Variants in TRPM6 observed in about 807,000 individuals in gnomAD.
TRPM6 encodes channel kinase 2.
In TRPM6, 111 loss-of-function variants were observed where a neutral mutation model predicts 247.6. The ratio of observed to expected loss-of-function variants is 0.45; its 90% CI spans 0.38 to 0.52. The LOEUF (loss-of-function observed/expected upper bound fraction) is 0.52, where lower values mean the gene tolerates loss of function less well. TRPM6 is among the 20% of genes least tolerant of loss of function. The pLI is 0.00. For missense variants in TRPM6, 2,126 were observed against 2,421.5 expected, an observed-to-expected ratio of 0.88 and a Z score of 2.56; for synonymous variants, 892 against 853.8, an observed-to-expected ratio of 1.04 and a Z score of -0.78.
intron 7 of TRPM6, 144 bp from the exon 8 acceptor site, chr9:74,821,981 G>T: frequency 1.0e-6 from 1 of 994,904 alleles, no homozygotes; most frequent in Non-Finnish European, 1.5e-6. Flanking sequence ...ACCCTGGTTT[G>T]CTTAGATCAA....
rs150026556 is a variant in TRPM6, at chr9:74,759,143, C to T, written c.4785+2553G>A. On this transcript the variant is annotated intron_variant, in intron 27 of 38. Transcript: ENST00000360774. ...CCTAAATGGAGAAATACATCATGTTCGTGAATCAGAAGACTCATTATTGTT... is the reference window on the plus strand; with the variant it reads ...CCTAAATGGAGAAATACATCATGTTTGTGAATCAGAAGACTCATTATTGTT... Among the ~76,000 whole-genome samples the T allele has an allele frequency of 7.7e-3, 1,174 of 152,110 alleles. 10 individuals are homozygous for T. Among genetic ancestry groups the T allele is most frequent in the African/African-American group, 0.027 (1,124 of 41,538 alleles).
rs1830518818 is a variant in TRPM6, at chr9:74,856,306, G to C, written c.114-741C>G. Among the ~76,000 whole-genome samples the C allele has an allele frequency of 2.0e-5, 3 of 152,110 alleles. No individual in the cohort carries two copies. In the South Asian group the frequency reaches 6.2e-4, roughly 32 times the overall value. On this transcript the variant is annotated intron_variant, in intron 2 of 38. Coordinates refer to ENST00000360774, the MANE Select transcript of TRPM6 (RefSeq NM_017662.5). ...ATTCAAAAAATTAGCCCTGTGTGCT[G>C]ATATGTGCCTGTGGTCCCAGCTACT...
At chr9:74,886,010 G>T (rs1831517860) in intron 1 of TRPM6, among the ~76,000 whole-genome samples, 1 of 152,204 alleles carries the variant, frequency 6.6e-6, no homozygotes, top group Non-Finnish European at 1.5e-5. Context: ...TTTTGGCATA[G>T]ATGTCCTATC....
At chr9:74,844,054 C>T (rs796232537) in intron 3 of TRPM6, among the ~76,000 whole-genome samples, 26 of 152,210 alleles carry the variant, frequency 1.7e-4, no homozygotes, top group African/African-American at 6.3e-4. Flanking sequence ...GTAAACCATA[C>T]TAAAGACAAA....
At chr9:74,765,528 C>T (rs1826799390) in intron 25 of TRPM6, among the ~76,000 whole-genome samples, 1 of 152,068 alleles carries the variant, frequency 6.6e-6, no homozygotes, top group African/African-American at 2.4e-5. Flanking sequence ...GTTTCAGTTT[C>T]TCAATAATGA....
intron 25 of TRPM6, 121 bp downstream of exon 25, chr9:74,771,582 G>A: frequency 1.1e-6 from 1 of 923,072 alleles, no homozygotes. Flanking sequence ...GTTGTTAAAT[G>A]TTTCAAATTA....
chr9:74,812,844 T>TGGA (rs139816567), intron 11 of TRPM6, among the ~76,000 whole-genome samples: 4,206 of 152,254 alleles, frequency 0.028, 183 homozygotes, highest in African/African-American at 0.093. Context: ...AAGCCATGAA[T>TGGA]GCATCACTAC....
intron 36 of TRPM6, among the ~76,000 whole-genome samples, chr9:74,732,952 G>C (rs935448474): frequency 6.6e-6 from 1 of 152,118 alleles, no homozygotes; most frequent in African/African-American, 2.4e-5. Flanking sequence ...CCAGCTCTTT[G>C]GGGGGTGGAG....
chr9:74,816,619 C>A (rs527338056), intron 11 of TRPM6, 50 bp downstream of exon 11: 1 of 1,484,124 alleles, frequency 6.7e-7, no homozygotes, highest in South Asian at 1.1e-5. Flanking sequence ...CCCTTCCTAA[C>A]AGACCATCAC....
rs950380175 is a variant in TRPM6 at position 74,762,572 on chromosome 9, G to T, written c.4099C>A (p.Pro1367Thr). The T allele has an allele frequency of 6.2e-7, 1 of 1,614,176 alleles. No individual in the cohort carries two copies. Among genetic ancestry groups the T allele is most frequent in the Admixed American group, 1.7e-5 (1 of 60,022 alleles). Residue 1367 changes from proline to threonine, a missense_variant, in exon 26 of 39, where the codon CCC becomes ACC. Transcript: ENST00000360774. ...GTTGCCAGCACATCTGGCACAGAGG[G>T]TCTGGACAGAGGCAAGACAGTTTCT... ...SAETVLPLSR[P>T]SVPDVLATEQ...
At chr9:74,882,813 G>A (rs189396669) in intron 1 of TRPM6, among the ~76,000 whole-genome samples, 72 of 152,242 alleles carry the variant, frequency 4.7e-4, no homozygotes, top group Non-Finnish European at 8.1e-4. Flanking sequence ...ATAAGACAAA[G>A]CCCACTACAA....
At chr9:74,827,175 T>G (rs1047996709) in intron 7 of TRPM6, 1 of 153,450 alleles carries the variant, frequency 6.5e-6, no homozygotes, top group African/African-American at 2.4e-5. Context: ...GCCTCCTTAA[T>G]GCTCTTCAGC....
chr9:74,829,793 C>T (rs1357268109), intron 6 of TRPM6, among the ~76,000 whole-genome samples: 1 of 151,850 alleles, frequency 6.6e-6, no homozygotes, highest in Non-Finnish European at 1.5e-5. Flanking sequence ...ATGCAGCATA[C>T]TTGACAAACA....
intron 25 of TRPM6, among the ~76,000 whole-genome samples, chr9:74,766,988 C>T (rs781326826): frequency 2.6e-5 from 4 of 152,142 alleles, no homozygotes; most frequent in African/African-American, 7.2e-5. Context: ...CTAGACAGGC[C>T]GACTCCATAT....
chr9:74,742,719 T>C, intron 32 of TRPM6, 93 bp from the exon 33 acceptor site: 1 of 1,096,014 alleles, frequency 9.1e-7, no homozygotes. Flanking sequence ...TATAATGCTA[T>C]TTAATTTCAA....
intron 28 of TRPM6, 141 bp downstream of exon 28, chr9:74,755,211 AT>A: frequency 1.1e-6 from 1 of 946,136 alleles, no homozygotes; most frequent in Non-Finnish European, 1.6e-6. Context: ...GAAAAATGCT[AT>A]TTTCCTTACA....
chr9:74,786,665 GGGAGGC>G (rs760120473), intron 20 of TRPM6, among the ~76,000 whole-genome samples: 53 of 152,160 alleles, frequency 3.5e-4, no homozygotes, highest in Non-Finnish European at 7.2e-4. Flanking sequence ...GCATGAACCC[GGGAGGC>G]GGAGCTTGCA....
Position 74,792,745 on chromosome 9 carries a change from T to G in TRPM6, c.2417A>C (p.His806Pro). 6.2e-7 allele frequency: 1 copy of G among 1,613,996 alleles called. No homozygotes were observed. The highest frequency in any genetic ancestry group is 8.5e-7 in the Non-Finnish European group (1 of 1,179,848). ...SVKEYDLERG[H>P]DEKLDENQHF... ...CTGATTTTCATCCAGTTTCTCATCA[T>G]GGCCCCTTTCCAAATCATACTCTTT... is the stretch of plus-strand genomic sequence containing the variant. The change falls in exon 19 of 39, where the codon CAT (histidine) becomes CCT (proline). Residue 806 changes from histidine to proline, a missense_variant. Physicochemically the swap from His to Pro is moderately conservative, Grantham distance 77. Around this residue, in one of 3 missense-constraint regions of TRPM6, gnomAD observed 1,082 missense variants for 1,307.9 expected, o/e 0.83. Coordinates refer to ENST00000360774, the MANE Select transcript of TRPM6 (RefSeq NM_017662.5).
At chr9:74,885,854 G>A (rs1334921602) in intron 1 of TRPM6, among the ~76,000 whole-genome samples, 2 of 152,086 alleles carry the variant, frequency 1.3e-5, no homozygotes, top group East Asian at 3.9e-4. Context: ...AGGATTGCTT[G>A]AGCCCAGGAG....
Sources: allele counts gnomAD v4.1 joint callset (sites outside exome capture counted in the v4.1 genomes callset), GRCh38; gene constraint gnomAD v4.1.1; regional missense constraint gnomAD v4.1.1; transcripts MANE v1.5; gene names NCBI Gene and HGNC (gene_info 2026-07-23, HGNC 2026-07-21).